IRAK1BP1: variants seen among roughly 807,000 people sequenced by gnomAD.
The protein encoded by IRAK1BP1 is interleukin 1 receptor associated kinase 1 binding protein 1, also known as interleukin-1 receptor-associated kinase 1-binding protein 1.
IRAK1BP1 carries 24 observed loss-of-function variants against 28.0 expected under a neutral mutation model. The observed-to-expected ratio is 0.86, with a 90% CI of 0.62 to 1.20. The LOEUF (loss-of-function observed/expected upper bound fraction) is 1.20. Among genes scored for constraint, IRAK1BP1 ranks in the 50% most tolerant of loss-of-function variants. IRAK1BP1 has a pLI of 0.00. For missense variants in IRAK1BP1, 336 were observed against 316.7 expected (o/e 1.06, Z -0.46); for synonymous variants, 131 against 116.3 (o/e 1.13, Z -0.81).
chr6:78,932,421 C>CTTTTTTTTTTTTT (rs386407659), intron 4 of IRAK1BP1, among the ~76,000 whole-genome samples: 7 of 123,696 alleles, frequency 5.7e-5, no homozygotes, highest in East Asian at 2.4e-4. Flanking sequence ...CTTTCTTTTT[C>CTTTTTTTTTTTTT]TTTTTTTTTT....
At chr6:78,928,788 T>G (rs1206199178) in intron 4 of IRAK1BP1, among the ~76,000 whole-genome samples, 1 of 152,166 alleles carries the variant, frequency 6.6e-6, no homozygotes, top group Non-Finnish European at 1.5e-5. Flanking sequence ...ATGGTTTTTG[T>G]TTGTTATTCT....
In IRAK1BP1 at chr6:78,916,444, T is replaced by C. The variant is rs373410158; in HGVS notation, c.*67+13334T>C. Reference sequence around the variant, plus strand: ...GTCACTCATCAATCCAGTCAACTAATTTGGCAGTGTGGTGGGGGGAGGGAA... The same window carrying C: ...GTCACTCATCAATCCAGTCAACTAACTTGGCAGTGTGGTGGGGGGAGGGAA... On this transcript the variant is annotated intron_variant and NMD_transcript_variant, in intron 4 of 4. Coordinates refer to the IRAK1BP1 transcript ENST00000606868. Among the ~76,000 whole-genome samples the C allele has an allele frequency of 1.1e-4, 16 of 152,282 alleles. No individual in the cohort carries two copies. The South Asian group carries it at 3.3e-3, about 32-fold the overall frequency.
chr6:78,953,328 C>T, the IRAK1BP1 span, among the ~76,000 whole-genome samples: 11 of 152,152 alleles, frequency 7.2e-5, no homozygotes, highest in Non-Finnish European at 1.5e-4. Flanking sequence ...ACTCAATTAT[C>T]TCTGTATAGT....
chr6:78,911,249 G>A (rs1017263704), intron 4 of IRAK1BP1, among the ~76,000 whole-genome samples: 1 of 152,136 alleles, frequency 6.6e-6, no homozygotes, highest in Non-Finnish European at 1.5e-5. Flanking sequence ...CCAGAACGCA[G>A]TGACCTAACT....
intron 1 of IRAK1BP1, among the ~76,000 whole-genome samples, chr6:78,876,377 G>A (rs375723510): frequency 8.5e-5 from 13 of 152,264 alleles, no homozygotes; most frequent in Middle Eastern, 3.4e-3. Flanking sequence ...TTATAGCAGC[G>A]TGAAAATGGA....
chr6:78,898,389 T>A lies in IRAK1BP1; in HGVS notation c.*55T>A. Reference sequence around the variant, plus strand: ...TCTTTTTACCTATTTTTATACTTTTTATAATGTTTACGTTTGTCCTGAATA... The same window carrying A: ...TCTTTTTACCTATTTTTATACTTTTAATAATGTTTACGTTTGTCCTGAATA... On this transcript the variant is annotated 3_prime_UTR_variant, in exon 4 of 4. Transcript: ENST00000369940. 1.3e-6 allele frequency: 1 copy of A among 772,232 alleles called. No individual in the cohort carries two copies. The highest frequency in any genetic ancestry group is 2.9e-5 in the South Asian group (1 of 35,040). The allele number at this position is 772,232 out of a possible 1,614,324, so 47.8% of individuals were successfully genotyped here.
At chr6:78,892,625 C>T (rs530637168) in intron 2 of IRAK1BP1, among the ~76,000 whole-genome samples, 1 of 152,136 alleles carries the variant, frequency 6.6e-6, no homozygotes, top group East Asian at 1.9e-4. Context: ...CAAACCAACT[C>T]AGGAGTGACA....
rs114864297 is a variant in IRAK1BP1, at chr6:78,896,989, G to A, written c.382-840G>A. Among the ~76,000 whole-genome samples, 914 of 152,040 alleles carry A rather than the reference G, an allele frequency of 6.0e-3. 4 individuals are homozygous for A. Among genetic ancestry groups the A allele is most frequent in the African/African-American group, 0.02 (835 of 41,480 alleles). On this transcript the variant is annotated intron_variant, in intron 2 of 3. Transcript: ENST00000369940. The stretch of plus-strand genomic sequence containing the variant: ...CTTTAGAAGAAAAGGTTTAGGCTGC[G>A]TGTGGTGTCTCATGTCTACAACCGC...
At chr6:78,879,842 A>G (rs1194001097) in intron 1 of IRAK1BP1, among the ~76,000 whole-genome samples, 2 of 152,148 alleles carry the variant, frequency 1.3e-5, no homozygotes, top group Non-Finnish European at 2.9e-5. Context: ...CAACAGAAGG[A>G]CTCAGTCCCC....
intron 2 of IRAK1BP1, among the ~76,000 whole-genome samples, chr6:78,893,748 G>T (rs774531936): frequency 1.3e-5 from 2 of 152,030 alleles, no homozygotes; most frequent in Non-Finnish European, 2.9e-5. Context: ...ACTAAAAAAT[G>T]CAGAAATCAG....
intron 4 of IRAK1BP1, chr6:78,937,004 G>A (rs1259886026): frequency 6.6e-6 from 1 of 151,712 alleles, no homozygotes; most frequent in East Asian, 1.9e-4. Context: ...TGCTCAATCT[G>A]TTATGTTAGA....
the IRAK1BP1 span, among the ~76,000 whole-genome samples, chr6:78,974,672 A>T: frequency 6.6e-6 from 1 of 152,228 alleles, no homozygotes; most frequent in African/African-American, 2.4e-5. Context: ...TAGATGCAAT[A>T]AAAAATGATA....
chr6:78,925,384 C>T (rs185032363), intron 4 of IRAK1BP1, among the ~76,000 whole-genome samples: 90 of 152,072 alleles, frequency 5.9e-4, no homozygotes, highest in Non-Finnish European at 9.9e-4. Flanking sequence ...AAGACATGAA[C>T]GGACACTTCT....
intron 2 of IRAK1BP1, among the ~76,000 whole-genome samples, chr6:78,893,169 A>C (rs1472651759): frequency 6.6e-6 from 1 of 151,770 alleles, no homozygotes; most frequent in East Asian, 1.9e-4. Context: ...GAGGAGAAAA[A>C]AGACATATTA....
At chr6:78,896,016 G>A (rs911085737) in intron 2 of IRAK1BP1, among the ~76,000 whole-genome samples, 12 of 152,036 alleles carry the variant, frequency 7.9e-5, no homozygotes, top group Non-Finnish European at 1.8e-4. Context: ...AAAATACATA[G>A]GGATAAATCT....
the IRAK1BP1 span, among the ~76,000 whole-genome samples, chr6:78,973,938 C>T: frequency 2.0e-5 from 3 of 151,920 alleles, no homozygotes; most frequent in South Asian, 6.2e-4. Flanking sequence ...GAGACTTTAA[C>T]ACCCCACTGT....
intron 4 of IRAK1BP1, among the ~76,000 whole-genome samples, chr6:78,920,038 G>A (rs1353285301): frequency 1.3e-5 from 2 of 152,204 alleles, no homozygotes; most frequent in East Asian, 1.9e-4. Flanking sequence ...GGTGGATCAC[G>A]AGGTCAGGAA....
intron 4 of IRAK1BP1, chr6:78,935,712 C>G (rs1312893445): frequency 3.0e-6 from 3 of 984,982 alleles, no homozygotes; most frequent in African/African-American, 1.7e-5. Flanking sequence ...GCAAAACACA[C>G]AGGGCACTGG....
chr6:78,892,424 A>G (rs778594666), intron 2 of IRAK1BP1, among the ~76,000 whole-genome samples: 2 of 152,188 alleles, frequency 1.3e-5, no homozygotes, highest in African/African-American at 2.4e-5. Flanking sequence ...ATAAACAATA[A>G]AAGTGTCTTT....
Sources: allele counts gnomAD v4.1 joint callset (sites outside exome capture counted in the v4.1 genomes callset), GRCh38; gene constraint gnomAD v4.1.1; transcripts MANE v1.5; gene names NCBI Gene and HGNC (gene_info 2026-07-23, HGNC 2026-07-21).